Variants in ARID4A observed in about 807,000 individuals in gnomAD.
ARID4A encodes the protein AT-rich interactive domain-containing protein 4A.
ARID4A carries 39 observed loss-of-function variants against 148.6 expected under a neutral mutation model. The ratio of observed to expected loss-of-function variants is 0.26; its 90% CI spans 0.20 to 0.34. The LOEUF is 0.34. ARID4A is among the 10% of genes least tolerant of loss of function. The pLI, the probability that ARID4A is intolerant of heterozygous loss-of-function variation, is 1.00. For synonymous variants in ARID4A, 475 were observed against 481.2 expected (o/e 0.99, Z 0.17); for missense variants, 1,265 against 1,449.1 (o/e 0.87, Z 2.06).
intron 5 of ARID4A, among the ~76,000 whole-genome samples, chr14:58,314,082 G>A (rs1319911133): frequency 6.6e-6 from 1 of 152,140 alleles, no homozygotes; most frequent in Non-Finnish European, 1.5e-5. Flanking sequence ...ACCACTTTTG[G>A]TTATATGTAT....
chr14:58,328,155 G>T, intron 8 of ARID4A, 82 bp from the exon 9 acceptor site: 1 of 944,146 alleles, frequency 1.1e-6, no homozygotes, highest in Non-Finnish European at 1.7e-6. Flanking sequence ...GAAGTTAGGG[G>T]ATCCAGAATT....
chr14:58,329,626 C>T (rs2033408123), intron 10 of ARID4A, 22 bp downstream of exon 10: 1 of 1,540,630 alleles, frequency 6.5e-7, no homozygotes, highest in Non-Finnish European at 9.0e-7. Context: ...ATGAATTACC[C>T]TATTATTTTA....
chr14:58,307,422 T>C (rs2031691241), intron 5 of ARID4A, among the ~76,000 whole-genome samples: 1 of 152,256 alleles, frequency 6.6e-6, no homozygotes, highest in South Asian at 2.1e-4. Context: ...TCTTTGATGC[T>C]TCTTGGACTT....
At chr14:58,365,467 C>CTTTTTTTTTT (rs71107938) in intron 20 of ARID4A, 51 bp from the exon 21 acceptor site, 15 of 351,540 alleles carry the variant, frequency 4.3e-5, no homozygotes, top group South Asian at 1.9e-4. Flanking sequence ...TATACTTGCT[C>CTTTTTTTTTT]TTTTTTTTTT....
At chr14:58,320,095 G>A (rs190732102) in intron 7 of ARID4A, among the ~76,000 whole-genome samples, 10 of 151,320 alleles carry the variant, frequency 6.6e-5, no homozygotes, top group Non-Finnish European at 1.0e-4. Context: ...CTACAGGCGC[G>A]TGCCACCACG....
At chr14:58,345,138 CAA>C (rs2034298400) in intron 12 of ARID4A, among the ~76,000 whole-genome samples, 1 of 152,192 alleles carries the variant, frequency 6.6e-6, no homozygotes, top group Non-Finnish European at 1.5e-5. Flanking sequence ...CTCTGCCTCC[CAA>C]AGTGCTGAGA....
rs144478804 is a variant in ARID4A at position 58,357,803 on chromosome 14, T to C, written c.1854-1329T>C. ...GATTTTGACTTAATTCTGTAAATAC[T>C]TGTATATTTAGATAATGTAAAAACT... On this transcript the variant is annotated intron_variant, in intron 17 of 23. Coordinates refer to ENST00000355431, the MANE Select transcript of ARID4A (RefSeq NM_002892.4). 2.1e-3 allele frequency among the ~76,000 whole-genome samples: 320 copies of C among 152,292 alleles called. 1 individual carries two copies. Among genetic ancestry groups the C allele is most frequent in the African/African-American group, 7.0e-3 (292 of 41,568 alleles).
At chr14:58,307,024 G>T (rs2031659181) in intron 5 of ARID4A, among the ~76,000 whole-genome samples, 1 of 152,190 alleles carries the variant, frequency 6.6e-6, no homozygotes, top group Non-Finnish European at 1.5e-5. Context: ...CATAATACTT[G>T]TAAGTTAAAA....
intron 11 of ARID4A, among the ~76,000 whole-genome samples, chr14:58,343,458 C>A (rs2034210691): frequency 6.6e-6 from 1 of 152,156 alleles, no homozygotes; most frequent in Non-Finnish European, 1.5e-5. Flanking sequence ...TTTTAAAGTG[C>A]CTGTTGCCCT....
intron 11 of ARID4A, 30 bp downstream of exon 11, chr14:58,330,199 A>C (rs2033443167): frequency 6.3e-7 from 1 of 1,596,946 alleles, no homozygotes; most frequent in Admixed American, 1.9e-5. Flanking sequence ...TGTAACAAAA[A>C]CATCTTAATA....
intron 19 of ARID4A, among the ~76,000 whole-genome samples, chr14:58,361,552 G>A (rs2035132211): frequency 6.6e-6 from 1 of 152,144 alleles, no homozygotes; most frequent in African/African-American, 2.4e-5. Flanking sequence ...TTACATAACA[G>A]TAAAACATAT....
In ARID4A at chr14:58,347,767, T is replaced by G. The variant is rs1466800333; in HGVS notation, c.1293T>G (p.Ala431=). The change falls in exon 15 of 24, where the codon GCT becomes GCG. Residue 431 remains alanine, a synonymous_variant. Coordinates refer to ENST00000355431, the MANE Select transcript of ARID4A (RefSeq NM_002892.4). ...KKDLEESMEE[A]LKLDQEMPLT... ...ACTTAGAAGAATCAATGGAAGAGGCTCTCAAATTAGATCAAGAAATGCCTT... is the reference window on the plus strand; with the variant it reads ...ACTTAGAAGAATCAATGGAAGAGGCGCTCAAATTAGATCAAGAAATGCCTT... The G allele has an allele frequency of 1.2e-6, 2 of 1,613,504 alleles. No homozygotes were observed. Among genetic ancestry groups the G allele is most frequent in the Non-Finnish European group, 1.7e-6 (2 of 1,179,686 alleles).
At chr14:58,335,279 A>G (rs1265110941) in intron 11 of ARID4A, among the ~76,000 whole-genome samples, 1 of 151,928 alleles carries the variant, frequency 6.6e-6, no homozygotes, top group Non-Finnish European at 1.5e-5. Flanking sequence ...TCTTAGCTCA[A>G]GACATTTATA....
At chr14:58,325,334 T>G (rs1159392960) in intron 8 of ARID4A, among the ~76,000 whole-genome samples, 2 of 152,114 alleles carry the variant, frequency 1.3e-5, no homozygotes, top group Non-Finnish European at 2.9e-5. Context: ...CAGACTGGAG[T>G]GCAGTGGTGT....
Position 58,299,656 on chromosome 14 carries a change from C to T in ARID4A, c.-57-142C>T, listed in dbSNP as rs559840107. On this transcript the variant is annotated intron_variant, in intron 1 of 23. Transcript: ENST00000355431. ...TCGCTGCCCCCTCAGCTCCTGCGTC[C>T]TGGCTGCCCTCGTAAGGGGTCTTGT... 721 of 666,100 alleles carry T rather than the reference C, an allele frequency of 1.1e-3. 6 individuals are homozygous for T. The highest frequency in any genetic ancestry group is 5.6e-3 in the South Asian group (310 of 55,384). 41.3% of individuals were successfully genotyped at this position (666,100 alleles called of 1,614,324 possible).
intron 15 of ARID4A, among the ~76,000 whole-genome samples, chr14:58,348,179 A>T (rs2034464567): frequency 6.6e-6 from 1 of 152,090 alleles, no homozygotes; most frequent in South Asian, 2.1e-4. Context: ...TGGTCACCTT[A>T]TCTGAAATTG....
At chr14:58,303,523 A>C in intron 3 of ARID4A, 1 of 470,874 alleles carries the variant, frequency 2.1e-6, no homozygotes, top group Non-Finnish European at 4.4e-6. Context: ...TATATATCTG[A>C]TGTTTTCCTA....
chr14:58,366,873 C>T lies in ARID4A; in HGVS notation c.3524-10C>T, dbSNP rs1426403443. The T allele has an allele frequency of 1.3e-6, 2 of 1,486,666 alleles. No homozygotes were observed. Among genetic ancestry groups the T allele is most frequent in the Admixed American group, 2.8e-5 (1 of 36,102 alleles). The allele number at this position is 1,486,666 out of a possible 1,614,324, so 92.1% of individuals were successfully genotyped here. A position where few individuals can be genotyped will look rare whatever the true frequency, so the allele number is the denominator to read the frequency against. ...TTAAAATCCAAATTAACTTCTTTCC[C>T]CCCTTTTAGATGAATTAGATAATAT... is the stretch of plus-strand genomic sequence containing the variant. On this transcript the variant is annotated splice_polypyrimidine_tract_variant and intron_variant, in intron 22 of 23. Transcript: ENST00000355431.
chr14:58,365,487 T>TTTTTTAAAAA, intron 20 of ARID4A, 31 bp from the exon 21 acceptor site: 1 of 1,266,256 alleles, frequency 7.9e-7, no homozygotes, highest in Non-Finnish European at 1.1e-6. Flanking sequence ...TTTTTTTTTT[T>TTTTTTAAAAA]TTCAACATTC....
Sources: gnomAD v4.1 joint callset for allele counts (sites outside exome capture counted in the v4.1 genomes callset) on GRCh38, gnomAD v4.1.1 for gene constraint, MANE v1.5 for transcripts, NCBI Gene and HGNC (gene_info 2026-07-23, HGNC 2026-07-21) for gene names.